AFF4: variants seen among roughly 807,000 people sequenced by gnomAD.
AFF4 encodes ALF transcription elongation factor 4, also known as AF4/FMR2 family member 4.
In AFF4, 13 loss-of-function variants were observed where a neutral mutation model predicts 124.8. The ratio of observed to expected loss-of-function variants is 0.10; its 90% CI spans 0.07 to 0.17. AFF4 has a LOEUF of 0.17. AFF4 is among the 10% of genes least tolerant of loss of function. The probability of loss-of-function intolerance (pLI) is 1.00; values close to 1 mark genes in which losing one functional copy is unlikely to be tolerated. For missense variants in AFF4, 1,092 were observed against 1,403.8 expected (o/e 0.78, Z 3.55); for synonymous variants, 477 against 496.1 (o/e 0.96, Z 0.51).
rs772122883 is a variant in AFF4, at chr5:132,896,979, C to T, written c.1651G>A (p.Ala551Thr). Reference sequence around the variant, plus strand: ...CTCTGTGTTGTGCTGTCACTCTGTGCAGGAGATTTCTGCCTCCCACGCCCA... The same window carrying T: ...CTCTGTGTTGTGCTGTCACTCTGTGTAGGAGATTTCTGCCTCCCACGCCCA... ...ESGRGRQKSP[A>T]QSDSTTQRRT... The change falls in exon 11 of 21, where the codon GCA becomes ACA. Residue 551 changes from alanine to threonine, a missense_variant. By Grantham distance (58) the Ala-to-Thr change is moderately conservative. Transcript: ENST00000265343. 3.7e-6 allele frequency: 6 copies of T among 1,614,200 alleles called. No individual in the cohort carries two copies. The highest frequency in any genetic ancestry group is 2.2e-5 in the South Asian group (2 of 91,082).
chr5:132,929,387 T>C (rs1761251877), intron 4 of AFF4, among the ~76,000 whole-genome samples: 2 of 152,152 alleles, frequency 1.3e-5, no homozygotes, highest in South Asian at 2.1e-4. Context: ...AAAGAGATCA[T>C]TAAATGTAAG....
At chr5:132,953,163 T>TAAAACAAAA (rs1761882848) in intron 1 of AFF4, among the ~76,000 whole-genome samples, 1 of 143,396 alleles carries the variant, frequency 7.0e-6, no homozygotes. Context: ...CTGTCTCTAC[T>TAAAACAAAA]AAAAAAAAAA....
intron 1 of AFF4, among the ~76,000 whole-genome samples, chr5:132,955,054 G>A (rs955784243): frequency 1.3e-5 from 2 of 152,142 alleles, no homozygotes; most frequent in African/African-American, 4.8e-5. Flanking sequence ...AGGATGGGGA[G>A]CTGGAAAAGG....
chr5:132,946,170 C>A (rs770093184), intron 1 of AFF4, among the ~76,000 whole-genome samples: 1 of 152,176 alleles, frequency 6.6e-6, no homozygotes, highest in Non-Finnish European at 1.5e-5. Flanking sequence ...CAAAATAACA[C>A]GTGTTGGTGA....
In AFF4 at chr5:132,876,338, G is replaced by A. The variant is rs1031564563; in HGVS notation, c.*4721C>T. 4.4e-6 allele frequency: 1 copy of A among 226,756 alleles called. No homozygotes were observed. The highest frequency in any genetic ancestry group is 6.4e-5 in the East Asian group (1 of 15,724). The allele number at this position is 226,756 out of a possible 1,614,324, so 14.0% of individuals were successfully genotyped here. On this transcript the variant is annotated 3_prime_UTR_variant, in exon 21 of 21. Transcript: ENST00000265343. ...ATATGGATGATCATGGCATTGATTTGAAAGGCAGCATTTCCAAATTGATAT... is the reference window on the plus strand; with the variant it reads ...ATATGGATGATCATGGCATTGATTTAAAAGGCAGCATTTCCAAATTGATAT...
In AFF4 at chr5:132,892,390, C is replaced by T. The variant is rs770873257; in HGVS notation, c.2411G>A (p.Ser804Asn). 5.6e-5 allele frequency: 91 copies of T among 1,612,800 alleles called. No homozygotes were observed. Among genetic ancestry groups the T allele is most frequent in the Non-Finnish European group, 7.6e-5 (90 of 1,179,138 alleles). ...PSSNRESSKQ[S>N]AAKEKDLLPS... ...CAACAAATCCTTTTCTTTTGCAGCA[C>T]TCTGCTTAGATGACCTGCCAAACCA... The change falls in exon 13 of 21, where the codon AGT becomes AAT. Residue 804 changes from serine (S) to asparagine (N), a missense_variant. Ser to Asn is a conservative substitution (Grantham distance 46). This residue lies in a region of AFF4 where 293 missense variants were observed against 280.2 expected (regional missense o/e 1.05). Transcript: ENST00000265343.
rs1299443063 is a variant in AFF4, at chr5:132,880,307, G to C, written c.*752C>G. On this transcript the variant is annotated 3_prime_UTR_variant, in exon 21 of 21. Transcript: ENST00000265343. Reference sequence around the variant, plus strand: ...AAGTTTGTCCTCCCTCTTTTGTAATGCATTAAATGCAAGCTATAGTCACTG... The same window carrying C: ...AAGTTTGTCCTCCCTCTTTTGTAATCCATTAAATGCAAGCTATAGTCACTG... 1 of 398,798 alleles carries C rather than the reference G, an allele frequency of 2.5e-6. No individual in the cohort carries two copies. The highest frequency in any genetic ancestry group is 4.4e-6 in the Non-Finnish European group (1 of 226,020). The allele number at this position is 398,798 out of a possible 1,614,324, so 24.7% of individuals were successfully genotyped here. A position where few individuals can be genotyped will look rare whatever the true frequency, so the allele number is the denominator to read the frequency against.
intron 5 of AFF4, among the ~76,000 whole-genome samples, chr5:132,923,129 T>C (rs531672021): frequency 1.3e-5 from 2 of 152,054 alleles, no homozygotes; most frequent in East Asian, 1.9e-4. Context: ...TGGGCCAAGA[T>C]TGCACCACTG....
intron 5 of AFF4, among the ~76,000 whole-genome samples, chr5:132,923,281 G>A (rs1761093698): frequency 6.6e-6 from 1 of 152,002 alleles, no homozygotes; most frequent in South Asian, 2.1e-4. Context: ...AGCCTGGGAG[G>A]TCGAGGCTGC....
intron 13 of AFF4, 28 bp from the exon 14 acceptor site, chr5:132,889,201 G>T: frequency 6.6e-7 from 1 of 1,523,844 alleles, no homozygotes; most frequent in South Asian, 1.1e-5. Context: ...TAACTACAAT[G>T]AAAACCGTAA....
At position 132,880,616 on chromosome 5, in the gene AFF4, A is replaced by T; in HGVS notation, c.*443T>A. The T allele has an allele frequency of 2.8e-6, 1 of 353,080 alleles. No individual in the cohort carries two copies. Among genetic ancestry groups the T allele is most frequent in the Middle Eastern group, 7.3e-4 (1 of 1,374 alleles). The allele number at this position is 353,080 out of a possible 1,614,324, so 21.9% of individuals were successfully genotyped here. On this transcript the variant is annotated 3_prime_UTR_variant, in exon 21 of 21. Coordinates refer to ENST00000265343, the MANE Select transcript of AFF4 (RefSeq NM_014423.4). ...AGAACAGCTACCACAAAAAGATATT[A>T]GGTAATAAAGCTCCCAAGGTATATA...
At chr5:132,948,711 G>T in intron 1 of AFF4, 1 of 201,112 alleles carries the variant, frequency 5.0e-6, no homozygotes, top group South Asian at 1.0e-4. Context: ...AAGCATCATT[G>T]GCCTTGAGGA....
At chr5:132,939,553 C>A (rs956202723) in intron 1 of AFF4, among the ~76,000 whole-genome samples, 13 of 152,224 alleles carry the variant, frequency 8.5e-5, no homozygotes, top group Admixed American at 7.2e-4. Context: ...ACCTGAGAGA[C>A]TAAGGAATAT....
intron 5 of AFF4, among the ~76,000 whole-genome samples, chr5:132,916,150 A>G (rs1022505616): frequency 4.0e-5 from 6 of 149,130 alleles, no homozygotes; most frequent in African/African-American, 1.5e-4. Flanking sequence ...AAACAGGGAG[A>G]ATCACTTGAG....
intron 1 of AFF4, among the ~76,000 whole-genome samples, chr5:132,942,674 G>C (rs1328410366): frequency 6.6e-6 from 1 of 152,158 alleles, no homozygotes; most frequent in Non-Finnish European, 1.5e-5. Flanking sequence ...ATGTTGGTCA[G>C]GCTAGTCTCA....
At chr5:132,882,266 C>G (rs1760001251) in intron 20 of AFF4, among the ~76,000 whole-genome samples, 1 of 151,352 alleles carries the variant, frequency 6.6e-6, no homozygotes, top group Non-Finnish European at 1.5e-5. Context: ...ACCATTGCCT[C>G]TCTTTAGGGA....
rs1426284062 is a variant in AFF4 at position 132,892,282 on chromosome 5, G to A, written c.2519C>T (p.Ser840Phe). 3 of 1,613,936 alleles carry A rather than the reference G, an allele frequency of 1.9e-6. No homozygotes were observed. Among genetic ancestry groups the A allele is most frequent in the Non-Finnish European group, 2.5e-6 (3 of 1,180,042 alleles). ...GTTGCTGTTACTGCTTGACTTTAAG[G>A]AAGAAGACTGACTAATAGTCCTCTT... ...SRKRTISQSS[S>F]LKSSSNSNKE... Residue 840 changes from serine to phenylalanine, a missense_variant, in exon 13 of 21, where the codon TCC becomes TTC. Ser to Phe is a radical substitution (Grantham distance 155). Transcript: ENST00000265343.
intron 5 of AFF4, among the ~76,000 whole-genome samples, chr5:132,908,991 G>A (rs1462145884): frequency 1.3e-5 from 2 of 150,940 alleles, no homozygotes; most frequent in East Asian, 2.0e-4. Flanking sequence ...CGCTGGTCTC[G>A]AACTCCTGAC....
chr5:132,958,465 C>CAAAAAAAAAAAAA lies in AFF4; in HGVS notation c.-5+4781_-5+4793dup, dbSNP rs34337170. ...TGGATGACAGAGTGAGACCCTGTCT[C>CAAAAAAAAAAAAA]AAAAAAAAAAAAAAAAAAAAAAAAG... On this transcript the variant is annotated intron_variant, in intron 1 of 20. Coordinates refer to ENST00000265343, the MANE Select transcript of AFF4 (RefSeq NM_014423.4). 3.6e-5 allele frequency among the ~76,000 whole-genome samples: 2 copies of CAAAAAAAAAAAAA among 55,710 alleles called. 1 individual carries two copies. The highest frequency in any genetic ancestry group is 1.7e-4 in the African/African-American group (2 of 11,750). The allele number at this position is 55,710 out of a possible 152,430, so 36.5% of individuals were successfully genotyped here. A position where few individuals can be genotyped will look rare whatever the true frequency, so the allele number is the denominator to read the frequency against.
Sources: allele counts gnomAD v4.1 joint callset (sites outside exome capture counted in the v4.1 genomes callset), GRCh38; gene constraint gnomAD v4.1.1; regional missense constraint gnomAD v4.1.1; transcripts MANE v1.5; gene names NCBI Gene and HGNC (gene_info 2026-07-23, HGNC 2026-07-21).